GTF2H4: variants seen among roughly 807,000 people sequenced by gnomAD.
GTF2H4 encodes general transcription factor IIH subunit 4.
GTF2H4 carries 49 observed loss-of-function variants against 62.2 expected under a neutral mutation model. The ratio of observed to expected loss-of-function variants is 0.79; its 90% CI spans 0.63 to 1.00. The LOEUF (loss-of-function observed/expected upper bound fraction) is 1.00, where lower values mean the gene tolerates loss of function less well. Among genes scored for constraint, GTF2H4 ranks in the 50% least tolerant of loss-of-function variants. GTF2H4 has a pLI of 0.00. For synonymous variants in GTF2H4, 189 were observed against 233.8 expected, an observed-to-expected ratio of 0.81 and a Z score of 1.75; for missense variants, 479 against 587.8, an observed-to-expected ratio of 0.81 and a Z score of 1.91.
In GTF2H4 at chr6:30,909,861, G is replaced by A. The variant is rs1793691170; in HGVS notation, c.243-71G>A. On this transcript the variant is annotated intron_variant, in intron 3 of 13. Coordinates refer to ENST00000259895, the MANE Select transcript of GTF2H4 (RefSeq NM_001517.5). The surrounding 1 kb of genome is among the most constrained non-coding windows in gnomAD (Gnocchi z 4.3). ...AGGGTCAGCAAGTTCAGAACAGGCAGAGATGGTGGCTTTTATGGGCCTCCT... is the reference window on the plus strand; with the variant it reads ...AGGGTCAGCAAGTTCAGAACAGGCAAAGATGGTGGCTTTTATGGGCCTCCT... The A allele has an allele frequency of 6.8e-7, 1 of 1,470,848 alleles. No individual in the cohort carries two copies. Among genetic ancestry groups the A allele is most frequent in the African/African-American group, 1.4e-5 (1 of 71,060 alleles). 91.1% of individuals were successfully genotyped at this position (1,470,848 alleles called of 1,614,324 possible).
At position 30,911,270 on chromosome 6, in the gene GTF2H4, G is replaced by C; in HGVS notation, c.672+1G>C. Reference sequence around the variant, plus strand: ...GTTGCAGTATTTGCAGACAGCCCAGGTGAGGAGGCAGGGCCACTTAACCAG... The same window carrying C: ...GTTGCAGTATTTGCAGACAGCCCAGCTGAGGAGGCAGGGCCACTTAACCAG... On this transcript the variant is annotated splice_donor_variant, in intron 7 of 13. Transcript: ENST00000259895. LOFTEE classifies it high-confidence loss of function. The surrounding 1 kb of genome is among the most constrained non-coding windows in gnomAD (Gnocchi z 4.3). 9 of 1,610,298 alleles carry C rather than the reference G, an allele frequency of 5.6e-6. No homozygotes were observed. The highest frequency in any genetic ancestry group is 6.8e-6 in the Non-Finnish European group (8 of 1,177,438).
Position 30,913,088 on chromosome 6 carries a change from C to G in GTF2H4, c.1090-22C>G. 3.7e-6 allele frequency: 6 copies of G among 1,613,472 alleles called. No homozygotes were observed. Among genetic ancestry groups the G allele is most frequent in the Non-Finnish European group, 5.1e-6 (6 of 1,179,544 alleles). ...CTGCCTTCTTGCTGGAGCCCTCATG[C>G]CATTCTTGTCTGTTTTCCTAGATAA... is the stretch of plus-strand genomic sequence containing the variant. On this transcript the variant is annotated intron_variant, in intron 11 of 13. Coordinates refer to ENST00000259895, the MANE Select transcript of GTF2H4 (RefSeq NM_001517.5). This position sits in a 1 kb window ranked among gnomAD's most constrained non-coding sequence, Gnocchi z 4.2.
rs1365480910 is a variant in GTF2H4, at chr6:30,913,062, C to T, written c.1090-48C>T. On this transcript the variant is annotated intron_variant, in intron 11 of 13. Transcript: ENST00000259895. This position sits in a 1 kb window ranked among gnomAD's most constrained non-coding sequence, Gnocchi z 4.2. ...ATTAGGTGACAGCTCAGATGGCTTT[C>T]CTGCCTTCTTGCTGGAGCCCTCATG... The T allele has an allele frequency of 6.2e-7, 1 of 1,600,544 alleles. No individual in the cohort carries two copies. Among genetic ancestry groups the T allele is most frequent in the Admixed American group, 1.7e-5 (1 of 59,694 alleles).
Position 30,911,758 on chromosome 6 carries a change from C to T in GTF2H4, c.816C>T (p.Phe272=). Residue 272 remains phenylalanine, a synonymous_variant, in exon 9 of 14, where the codon TTC becomes TTT. Transcript: ENST00000259895. This position sits in a 1 kb window ranked among gnomAD's most constrained non-coding sequence, Gnocchi z 4.3. The part of the protein sequence containing the change: ...LQHLREFGLV[F]QRKRKSRRYY... ...ATCTGCGTGAGTTTGGGCTTGTTTTCCAGAGGAAGGTATGAGCGCCTAGAT... is the reference window on the plus strand; with the variant it reads ...ATCTGCGTGAGTTTGGGCTTGTTTTTCAGAGGAAGGTATGAGCGCCTAGAT... The T allele has an allele frequency of 6.2e-7, 1 of 1,612,498 alleles. No individual in the cohort carries two copies. The highest frequency in any genetic ancestry group is 8.5e-7 in the Non-Finnish European group (1 of 1,179,604).
In GTF2H4 at chr6:30,910,046, CATTGCCCTTCTGGGTGGGT is replaced by C. The variant is rs777427619; in HGVS notation, c.360_374+4del. ...ACCCCATTTTCCGCCAGAACCTCCG[CATTGCCCTTCTGGGTGGGT>C]ATGTCACTTCTCTCTCTTCCTAAGC... On this transcript the variant is annotated splice_donor_variant and coding_sequence_variant, in exon 4 of 14. Transcript: ENST00000259895. LOFTEE classifies it high-confidence loss of function. The surrounding 1 kb of genome is among the most constrained non-coding windows in gnomAD (Gnocchi z 4.7). The C allele has an allele frequency of 4.0e-5, 64 of 1,612,898 alleles. No homozygotes were observed. In the Admixed American group the frequency reaches 7.2e-4, roughly 18 times the overall value.
At position 30,910,462 on chromosome 6, in the gene GTF2H4, T is replaced by A. The variant is rs893156308; in HGVS notation, c.375-203T>A. ...CTCCTGCCTCAGCCTCCTGAGTAGC[T>A]GGGATTACAGGCACCCACCACGACG... On this transcript the variant is annotated intron_variant, in intron 4 of 13. Transcript: ENST00000259895. This position sits in a 1 kb window ranked among gnomAD's most constrained non-coding sequence, Gnocchi z 4.7. 1.1e-5 allele frequency: 7 copies of A among 618,122 alleles called. No homozygotes were observed. The African/African-American group carries it at 1.3e-4, about 11-fold the overall frequency. The allele number at this position is 618,122 out of a possible 1,614,324, so 38.3% of individuals were successfully genotyped here.
At position 30,913,801 on chromosome 6, in the gene GTF2H4, C is replaced by G; in HGVS notation, c.1217-10C>G. ...TTCTCCCCGCGCCCCTCCCGTCCTG[C>G]CGACCCCAGGTGTCCTGTATAACCA... On this transcript the variant is annotated splice_polypyrimidine_tract_variant and intron_variant, in intron 13 of 13. Transcript: ENST00000259895. The surrounding 1 kb of genome is among the most constrained non-coding windows in gnomAD (Gnocchi z 4.2). The G allele has an allele frequency of 6.5e-7, 1 of 1,540,630 alleles. No individual in the cohort carries two copies. The highest frequency in any genetic ancestry group is 1.2e-5 in the South Asian group (1 of 83,010).
rs201402197 is a variant in GTF2H4 at position 30,913,349 on chromosome 6, T to G, written c.1178T>G (p.Leu393Arg). Residue 393 changes from leucine to arginine, a missense_variant, in exon 13 of 14, where the codon CTC becomes CGC. Coordinates refer to ENST00000259895, the MANE Select transcript of GTF2H4 (RefSeq NM_001517.5). This position sits in a 1 kb window ranked among gnomAD's most constrained non-coding sequence, Gnocchi z 4.2. ...CCCACCATCACCGACCAGATCCGGC[T>G]CTGGGAGCTGGAAAGGGACAGACTC... ...LPPTITDQIR[L>R]WELERDRLRF... 31 of 1,613,192 alleles carry G rather than the reference T, an allele frequency of 1.9e-5. No individual in the cohort carries two copies. The highest frequency in any genetic ancestry group is 3.4e-6 in the Non-Finnish European group (4 of 1,180,028).
At position 30,910,664 on chromosome 6, in the gene GTF2H4, G is replaced by C. The variant is rs768018445; in HGVS notation, c.375-1G>C. 2 of 1,611,746 alleles carry C rather than the reference G, an allele frequency of 1.2e-6. No individual in the cohort carries two copies. Among genetic ancestry groups the C allele is most frequent in the African/African-American group, 1.3e-5 (1 of 74,904 alleles). On this transcript the variant is annotated splice_acceptor_variant, in intron 4 of 13. Coordinates refer to ENST00000259895, the MANE Select transcript of GTF2H4 (RefSeq NM_001517.5). LOFTEE classifies it high-confidence loss of function. This position sits in a 1 kb window ranked among gnomAD's most constrained non-coding sequence, Gnocchi z 4.7. Reference sequence around the variant, plus strand: ...TTACTCTTGGCCCATCCTGGCCGTAGGGGGAAGGCCTGGTCTGATGACACA... The same window carrying C: ...TTACTCTTGGCCCATCCTGGCCGTACGGGGAAGGCCTGGTCTGATGACACA...
At chr6:30,908,738 GA>G (rs1353842210) in intron 1 of GTF2H4, among the ~76,000 whole-genome samples, 1 of 152,176 alleles carries the variant, frequency 6.6e-6, no homozygotes, top group Non-Finnish European at 1.5e-5. Flanking sequence ...AGCCAAAGAT[GA>G]GACAAGTCAT....
rs1202837382 is a variant in GTF2H4, at chr6:30,912,674, CCTCGGCA to C, written c.1089+219_1089+225del. Among the ~76,000 whole-genome samples the C allele has an allele frequency of 6.6e-6, 1 of 152,006 alleles. No homozygotes were observed. Among genetic ancestry groups the C allele is most frequent in the Non-Finnish European group, 1.5e-5 (1 of 68,000 alleles). On this transcript the variant is annotated intron_variant, in intron 11 of 13. Coordinates refer to ENST00000259895, the MANE Select transcript of GTF2H4 (RefSeq NM_001517.5). The surrounding 1 kb of genome is among the most constrained non-coding windows in gnomAD (Gnocchi z 4.8). ...GAGGAGGTATAGATCTGGATTTGTG[CCTCGGCA>C]CTGCCACATCCTAACTGCGTAAACT...
rs1177718188 is a variant in GTF2H4 at position 30,911,202 on chromosome 6, A to T, written c.605A>T (p.Gln202Leu). 1 of 1,613,708 alleles carries T rather than the reference A, an allele frequency of 6.2e-7. No homozygotes were observed. The highest frequency in any genetic ancestry group is 8.5e-7 in the Non-Finnish European group (1 of 1,180,002). ...CCCTGCATTACTTCCGCTGGCTTCC[A>T]GTTCCTGTTGCTGGACACCCCGGCT... ...EPPCITSAGF[Q>L]FLLLDTPAQL... Residue 202 changes from glutamine to leucine, a missense_variant, in exon 7 of 14, where the codon CAG becomes CTG. By Grantham distance (113) the Gln-to-Leu change is moderately radical (BLOSUM62 -2). Transcript: ENST00000259895. This position sits in a 1 kb window ranked among gnomAD's most constrained non-coding sequence, Gnocchi z 4.3.
At position 30,912,343 on chromosome 6, in the gene GTF2H4, T is replaced by A. The variant is rs750533892; in HGVS notation, c.974T>A (p.Ile325Asn). Residue 325 changes from isoleucine (I) to asparagine (N), a missense_variant, in exon 11 of 14, where the codon ATT (isoleucine) becomes AAT (asparagine). Transcript: ENST00000259895. This position sits in a 1 kb window ranked among gnomAD's most constrained non-coding sequence, Gnocchi z 4.8. ...CCTGGCTCAGAGTCGGAGCTGCAGA[T>A]TGCCCTCATTGCCCTCTTCTCTGAG... The part of the protein sequence containing the change: ...LYAYTESELQ[I>N]ALIALFSEML... The A allele has an allele frequency of 1.9e-6, 3 of 1,613,018 alleles. No homozygotes were observed. Among genetic ancestry groups the A allele is most frequent in the Non-Finnish European group, 2.5e-6 (3 of 1,180,030 alleles).
Position 30,911,535 on chromosome 6 carries a change from G to A in GTF2H4, c.741+36G>A. 2 of 1,574,890 alleles carry A rather than the reference G, an allele frequency of 1.3e-6. No individual in the cohort carries two copies. Among genetic ancestry groups the A allele is most frequent in the Non-Finnish European group, 1.7e-6 (2 of 1,144,162 alleles). On this transcript the variant is annotated intron_variant, in intron 8 of 13. Coordinates refer to ENST00000259895, the MANE Select transcript of GTF2H4 (RefSeq NM_001517.5). This position sits in a 1 kb window ranked among gnomAD's most constrained non-coding sequence, Gnocchi z 4.3. ...GGCTGAAAGGTATAGAGATGGGAAG[G>A]GGAAAGCAAGTTGTGGGGCAGTAGA...
rs1347196993 is a variant in GTF2H4, at chr6:30,914,095, T to C, written c.*112T>C. 4 of 1,134,154 alleles carry C rather than the reference T, an allele frequency of 3.5e-6. No homozygotes were observed. The East Asian group carries it at 8.6e-5, about 25-fold the overall frequency. 70.3% of individuals were successfully genotyped at this position (1,134,154 alleles called of 1,614,324 possible). ...GGGCTTTTCTTGTTTAATAAAGTTA[T>C]GATAGCTAGCAGTGCGGTCCCGGGC... On this transcript the variant is annotated 3_prime_UTR_variant, in exon 14 of 14. Coordinates refer to ENST00000259895, the MANE Select transcript of GTF2H4 (RefSeq NM_001517.5).
At position 30,909,472 on chromosome 6, in the gene GTF2H4, A is replaced by T; in HGVS notation, c.175A>T (p.Met59Leu). 6.2e-6 allele frequency: 10 copies of T among 1,612,878 alleles called. No homozygotes were observed. Among genetic ancestry groups the T allele is most frequent in the Non-Finnish European group, 8.5e-6 (10 of 1,179,850 alleles). The change falls in exon 3 of 14, where the codon ATG becomes TTG. Residue 59 changes from methionine (M) to leucine (L), a missense_variant. Coordinates refer to ENST00000259895, the MANE Select transcript of GTF2H4 (RefSeq NM_001517.5). This position sits in a 1 kb window ranked among gnomAD's most constrained non-coding sequence, Gnocchi z 4.3. ...CTTGGCTAAGAACTGGGTGATGCGG[A>T]TGCTCTTTCTGGAGCAGCCTTTGCC... ...PSLAKNWVMR[M>L]LFLEQPLPQA...
rs1793763112 is a variant in GTF2H4, at chr6:30,911,591, A to G, written c.741+92A>G. The G allele has an allele frequency of 1.7e-6, 2 of 1,151,002 alleles. No individual in the cohort carries two copies. Among genetic ancestry groups the G allele is most frequent in the Non-Finnish European group, 2.5e-6 (2 of 795,558 alleles). 71.3% of individuals were successfully genotyped at this position (1,151,002 alleles called of 1,614,324 possible). A position where few individuals can be genotyped will look rare whatever the true frequency, so the allele number is the denominator to read the frequency against. On this transcript the variant is annotated intron_variant, in intron 8 of 13. Transcript: ENST00000259895. The surrounding 1 kb of genome is among the most constrained non-coding windows in gnomAD (Gnocchi z 4.3). ...CTGAGAAGATAAGAATGAAAACAGA[A>G]CGAACAGAGATGGAGAAAGAAAGAA...
rs1354308886 is a variant in GTF2H4 at position 30,914,102 on chromosome 6, T to C, written c.*119T>C. On this transcript the variant is annotated 3_prime_UTR_variant, in exon 14 of 14. Coordinates refer to ENST00000259895, the MANE Select transcript of GTF2H4 (RefSeq NM_001517.5). ...TCTTGTTTAATAAAGTTATGATAGC[T>C]AGCAGTGCGGTCCCGGGCGCCTCCC... 3 of 1,054,378 alleles carry C rather than the reference T, an allele frequency of 2.8e-6. No homozygotes were observed. The highest frequency in any genetic ancestry group is 5.9e-5 in the East Asian group (2 of 33,670). The allele number at this position is 1,054,378 out of a possible 1,614,324, so 65.3% of individuals were successfully genotyped here. A position where few individuals can be genotyped will look rare whatever the true frequency, so the allele number is the denominator to read the frequency against.
At position 30,913,953 on chromosome 6, in the gene GTF2H4, C is replaced by T. The variant is rs150149398; in HGVS notation, c.1359C>T (p.Arg453=). Residue 453 remains arginine (R), a synonymous_variant, in exon 14 of 14, where the codon CGC becomes CGT. Coordinates refer to ENST00000259895, the MANE Select transcript of GTF2H4 (RefSeq NM_001517.5). This position sits in a 1 kb window ranked among gnomAD's most constrained non-coding sequence, Gnocchi z 4.2. Reference sequence around the variant, plus strand: ...CGGCCGGGCACAGCGACGTCAAGCGCTTTTGGAAGCGGCAGAAACATAGCT... The same window carrying T: ...CGGCCGGGCACAGCGACGTCAAGCGTTTTTGGAAGCGGCAGAAACATAGCT... ...VTPAGHSDVK[R]FWKRQKHSS 1,414 of 1,599,914 alleles carry T rather than the reference C, an allele frequency of 8.8e-4. 1 individual carries two copies. The highest frequency in any genetic ancestry group is 1.1e-3 in the Non-Finnish European group (1,266 of 1,173,404).
Sources: gnomAD v4.1 joint callset for allele counts (sites outside exome capture counted in the v4.1 genomes callset) on GRCh38, gnomAD v4.1.1 for gene constraint, Gnocchi (gnomAD v3.1) non-coding constraint, MANE v1.5 for transcripts, NCBI Gene and HGNC (gene_info 2026-07-23, HGNC 2026-07-21) for gene names.